FLT1: variants seen among roughly 807,000 people sequenced by gnomAD.
The protein encoded by FLT1 is fms related receptor tyrosine kinase 1.
A neutral mutation model predicts 156.3 loss-of-function variants in FLT1; 49 were observed. The observed-to-expected ratio is 0.31, with a 90% CI of 0.25 to 0.40. The LOEUF (loss-of-function observed/expected upper bound fraction) is 0.40. Ranked by LOEUF, FLT1 falls within the 10% of genes least tolerant of loss-of-function variation. The probability of loss-of-function intolerance (pLI) is 1.00; values close to 1 mark genes in which losing one functional copy is unlikely to be tolerated. For missense variants in FLT1, 1,322 were observed against 1,637.2 expected (o/e 0.81, Z 3.32); for synonymous variants, 594 against 583.8 (o/e 1.02, Z -0.25).
At chr13:28,420,151 G>C (rs574950589) in intron 10 of FLT1, among the ~76,000 whole-genome samples, 1 of 152,172 alleles carries the variant, frequency 6.6e-6, no homozygotes, top group Non-Finnish European at 1.5e-5. Flanking sequence ...GCTGTTGTCC[G>C]AACAGTCACA....
intron 14 of FLT1, among the ~76,000 whole-genome samples, chr13:28,380,754 A>T (rs1463105152): frequency 1.3e-5 from 2 of 152,046 alleles, no homozygotes; most frequent in African/African-American, 4.8e-5. Context: ...TTATTAATTA[A>T]CTCTGATGCC....
At chr13:28,323,390 G>C (rs1871551827) in intron 20 of FLT1, among the ~76,000 whole-genome samples, 1 of 152,118 alleles carries the variant, frequency 6.6e-6, no homozygotes, top group African/African-American at 2.4e-5. Flanking sequence ...AGTGGCTCAC[G>C]CCTGTAATCC....
At chr13:28,343,352 G>T (rs146639521) in intron 16 of FLT1, among the ~76,000 whole-genome samples, 3 of 151,416 alleles carry the variant, frequency 2.0e-5, no homozygotes, top group Non-Finnish European at 4.4e-5. Context: ...CCAGACAGGA[G>T]TGCAATGGGG....
intron 10 of FLT1, among the ~76,000 whole-genome samples, chr13:28,413,020 T>C (rs1011237064): frequency 4.6e-5 from 7 of 151,914 alleles, no homozygotes; most frequent in Admixed American, 2.0e-4. Context: ...GCTGAGGAGA[T>C]CCTGGAGGAG....
chr13:28,483,610 C>T (rs142559994), intron 1 of FLT1, among the ~76,000 whole-genome samples: 3 of 152,174 alleles, frequency 2.0e-5, no homozygotes, highest in East Asian at 1.9e-4. Flanking sequence ...AGAAGGAAAA[C>T]GCTATTTTCT....
intron 1 of FLT1, among the ~76,000 whole-genome samples, chr13:28,485,054 A>G (rs1881072554): frequency 6.6e-6 from 1 of 152,168 alleles, no homozygotes; most frequent in African/African-American, 2.4e-5. Flanking sequence ...CATGTTGTGC[A>G]CATGTACCCT....
intron 2 of FLT1, 39 bp from the exon 3 acceptor site, chr13:28,467,168 T>C: frequency 6.7e-7 from 1 of 1,495,966 alleles, no homozygotes; most frequent in Non-Finnish European, 9.3e-7. Flanking sequence ...TATTTATGGC[T>C]GGGCCCTAGG....
intron 14 of FLT1, among the ~76,000 whole-genome samples, chr13:28,372,837 A>G (rs149984921): frequency 0.013 from 1,920 of 151,748 alleles, 46 homozygotes; most frequent in African/African-American, 0.044. Flanking sequence ...AGCAGAGATC[A>G]TGCCACTGCA....
chr13:28,414,080 G>A (rs137902918), intron 10 of FLT1, among the ~76,000 whole-genome samples: 36 of 152,296 alleles, frequency 2.4e-4, no homozygotes, highest in Admixed American at 2.2e-3. Flanking sequence ...ATTGAGGGAT[G>A]TTAGTTACCA....
chr13:28,368,596 T>C (rs774176872), intron 14 of FLT1: 48 of 1,455,924 alleles, frequency 3.3e-5, no homozygotes, highest in African/African-American at 1.7e-4. Context: ...ATGATGATGA[T>C]GACGATGATG....
At chr13:28,442,818 C>T (rs1490305624) in intron 3 of FLT1, among the ~76,000 whole-genome samples, 2 of 152,058 alleles carry the variant, frequency 1.3e-5, no homozygotes, top group Admixed American at 6.5e-5. Flanking sequence ...AATGAATTTG[C>T]CTGACATATA....
rs779796008 is a variant in FLT1 at position 28,494,840 on chromosome 13, C to T, written c.4G>A (p.Val2Ile). The T allele has an allele frequency of 3.8e-6, 6 of 1,560,812 alleles. No homozygotes were observed. The African/African-American group carries it at 5.6e-5, about 14-fold the overall frequency. M[V>I]SYWDTGVLLC... The stretch of plus-strand genomic sequence containing the variant: ...AGGACCCCGGTGTCCCAGTAGCTGA[C>T]CATGGTGAGCGCGACGCGGCCTGCT... The change falls in exon 1 of 30, where the codon GTC becomes ATC. Residue 2 changes from valine (V) to isoleucine (I), a missense_variant. Around this residue, in one of 3 missense-constraint regions of FLT1, gnomAD observed 991 missense variants for 1,254.8 expected, o/e 0.79. Coordinates refer to ENST00000282397, the MANE Select transcript of FLT1 (RefSeq NM_002019.4).
chr13:28,425,126 T>A (rs553073671), intron 10 of FLT1, among the ~76,000 whole-genome samples: 2 of 152,224 alleles, frequency 1.3e-5, no homozygotes, highest in Non-Finnish European at 2.9e-5. Flanking sequence ...CTCACACAGG[T>A]AGGCTACTCA....
At position 28,345,428 on chromosome 13, in the gene FLT1, A is replaced by C; in HGVS notation, c.2355+17T>G. On this transcript the variant is annotated intron_variant, in intron 16 of 29. Transcript: ENST00000282397. ...ATATATGTAAAAAGGAGCATAGAAC[A>C]TCACCTATGTTCTTACCCTTTTCAT... 6.7e-7 allele frequency: 1 copy of C among 1,482,720 alleles called. No individual in the cohort carries two copies. Among genetic ancestry groups the C allele is most frequent in the Non-Finnish European group, 9.4e-7 (1 of 1,063,680 alleles). The allele number at this position is 1,482,720 out of a possible 1,614,324, so 91.8% of individuals were successfully genotyped here.
At chr13:28,349,647 C>T (rs1872680870) in intron 15 of FLT1, among the ~76,000 whole-genome samples, 6 of 152,166 alleles carry the variant, frequency 3.9e-5, no homozygotes, top group Admixed American at 2.6e-4. Flanking sequence ...GCATGGAATG[C>T]ACTAAGAGAG....
At position 28,396,733 on chromosome 13, in the gene FLT1, G is replaced by A. The variant is rs998777296; in HGVS notation, c.1660+227C>T. The A allele has an allele frequency of 3.5e-5, 23 of 648,274 alleles. No homozygotes were observed. The East Asian group carries it at 6.1e-4, about 17-fold the overall frequency. 40.2% of individuals were successfully genotyped at this position (648,274 alleles called of 1,614,324 possible). A position where few individuals can be genotyped will look rare whatever the true frequency, so the allele number is the denominator to read the frequency against. ...CCCAATTCATAATCCAGTCTGGGAG[G>A]GAGACAAACACAAATAACTCTAAAA... On this transcript the variant is annotated intron_variant, in intron 12 of 29. Transcript: ENST00000282397.
chr13:28,368,277 C>G (rs1235046082), intron 14 of FLT1: 1 of 392,578 alleles, frequency 2.5e-6, no homozygotes, highest in African/African-American at 2.1e-5. Context: ...CTCAGCCTCC[C>G]GAGTAGCTGG....
intron 29 of FLT1, among the ~76,000 whole-genome samples, chr13:28,305,881 A>G (rs980845091): frequency 1.3e-5 from 2 of 152,188 alleles, no homozygotes; most frequent in Non-Finnish European, 2.9e-5. Flanking sequence ...AAAAGATTGG[A>G]CACCCCTGCT....
At chr13:28,431,640 C>T (rs1877691189) in intron 6 of FLT1, among the ~76,000 whole-genome samples, 1 of 152,184 alleles carries the variant, frequency 6.6e-6, no homozygotes, top group Non-Finnish European at 1.5e-5. Flanking sequence ...AAGTGATACC[C>T]TGGCCCAAGT....
Sources: gnomAD v4.1 joint callset for allele counts (sites outside exome capture counted in the v4.1 genomes callset) on GRCh38, gnomAD v4.1.1 for gene constraint, gnomAD v4.1.1 regional missense constraint, MANE v1.5 for transcripts, NCBI Gene and HGNC (gene_info 2026-07-23, HGNC 2026-07-21) for gene names.